The following PTPRD variants were observed in gnomAD, a reference collection of about 807,000 sequenced individuals.
The protein encoded by PTPRD is receptor-type tyrosine-protein phosphatase delta.
Under a neutral mutation model 214.5 loss-of-function variants are expected in PTPRD, and 34 were observed. The ratio of observed to expected loss-of-function variants is 0.16; its 90% CI spans 0.12 to 0.21. The LOEUF (loss-of-function observed/expected upper bound fraction) is 0.21. Ranked by LOEUF, PTPRD falls within the 10% of genes least tolerant of loss-of-function variation. The probability of loss-of-function intolerance (pLI) is 1.00; values close to 1 mark genes in which losing one functional copy is unlikely to be tolerated. For synonymous variants in PTPRD, 1,128 were observed against 845.7 expected (o/e 1.33, Z -5.79); for missense variants, 2,545 against 2,398.7 (o/e 1.06, Z -1.27).
intron 14 of PTPRD, among the ~76,000 whole-genome samples, chr9:8,533,758 C>T (rs554907952): frequency 9.3e-4 from 142 of 152,100 alleles, no homozygotes; most frequent in African/African-American, 3.0e-3. Context: ...TTACTTTCTT[C>T]GTAACCTTCC....
intron 2 of PTPRD, among the ~76,000 whole-genome samples, chr9:10,509,666 C>A (rs1000495537): frequency 1.3e-5 from 2 of 149,146 alleles, no homozygotes; most frequent in African/African-American, 5.0e-5. Context: ...CTTGCATTGT[C>A]TCTACTGCAC....
At chr9:9,695,441 C>T (rs373174795) in intron 7 of PTPRD, among the ~76,000 whole-genome samples, 1 of 152,140 alleles carries the variant, frequency 6.6e-6, no homozygotes, top group East Asian at 1.9e-4. Context: ...CTTAGCTGTG[C>T]CCATGGTGTC....
chr9:9,223,285 T>G (rs1357367988), intron 9 of PTPRD, among the ~76,000 whole-genome samples: 1 of 151,920 alleles, frequency 6.6e-6, no homozygotes, highest in Non-Finnish European at 1.5e-5. Flanking sequence ...ATGTCTAATC[T>G]CTCAGAAGTG....
At chr9:10,211,102 G>A (rs2154341583) in intron 3 of PTPRD, among the ~76,000 whole-genome samples, 1 of 151,902 alleles carries the variant, frequency 6.6e-6, no homozygotes, top group East Asian at 1.9e-4. Flanking sequence ...GGAAAAAGGG[G>A]GAGATTGGTA....
chr9:9,953,083 A>T (rs2093597549), intron 4 of PTPRD, among the ~76,000 whole-genome samples: 1 of 152,160 alleles, frequency 6.6e-6, no homozygotes, highest in South Asian at 2.1e-4. Context: ...AAAGGTGGTG[A>T]CCCACATCAT....
intron 11 of PTPRD, among the ~76,000 whole-genome samples, chr9:8,823,705 A>C (rs1391025203): frequency 3.3e-5 from 5 of 152,054 alleles, no homozygotes; most frequent in Non-Finnish European, 2.9e-5. Context: ...AAAGGAAAGG[A>C]AAGGCGGAAG....
chr9:10,055,641 A>T (rs2097620220), intron 3 of PTPRD, among the ~76,000 whole-genome samples: 1 of 152,068 alleles, frequency 6.6e-6, no homozygotes, highest in Non-Finnish European at 1.5e-5. Flanking sequence ...ACTGTCCAAC[A>T]TCATTAAACA....
At position 9,644,478 on chromosome 9, in the gene PTPRD, A is replaced by T. The variant is rs2096077046; in HGVS notation, c.-286-69697T>A. ...TGGTCTGAATAAAGATTTCCATGCCAGTTAAAAAATGATCCTCTATATCTC... is the reference window on the plus strand; with the variant it reads ...TGGTCTGAATAAAGATTTCCATGCCTGTTAAAAAATGATCCTCTATATCTC... On this transcript the variant is annotated intron_variant, in intron 7 of 45. Transcript: ENST00000381196. 2.0e-5 allele frequency among the ~76,000 whole-genome samples: 3 copies of T among 152,346 alleles called. No individual in the cohort carries two copies. The South Asian group carries it at 6.2e-4, about 32-fold the overall frequency.
intron 3 of PTPRD, among the ~76,000 whole-genome samples, chr9:10,256,565 G>C (rs189300082): frequency 1.0e-3 from 159 of 152,218 alleles, no homozygotes; most frequent in African/African-American, 3.6e-3. Context: ...CTGTAATTTT[G>C]TCAAGTGGTT....
intron 3 of PTPRD, among the ~76,000 whole-genome samples, chr9:10,087,137 GTTT>G (rs5896366): frequency 6.8e-6 from 1 of 146,580 alleles, no homozygotes. Flanking sequence ...ATGTTTTAGA[GTTT>G]TTTTTTTTTT....
At chr9:10,082,044 A>C (rs1174099530) in intron 3 of PTPRD, among the ~76,000 whole-genome samples, 2 of 152,068 alleles carry the variant, frequency 1.3e-5, no homozygotes, top group African/African-American at 4.8e-5. Context: ...TTAAAATATC[A>C]ACAATAAATC....
At chr9:8,763,827 C>A (rs2094549145) in intron 11 of PTPRD, among the ~76,000 whole-genome samples, 1 of 152,080 alleles carries the variant, frequency 6.6e-6, no homozygotes, top group South Asian at 2.1e-4. Flanking sequence ...ACAAAGACAG[C>A]TAGTCATACA....
intron 4 of PTPRD, among the ~76,000 whole-genome samples, chr9:10,025,528 C>G (rs2096907285): frequency 6.7e-6 from 1 of 148,338 alleles, no homozygotes; most frequent in East Asian, 1.9e-4. Flanking sequence ...ATTTTGCCAA[C>G]TTTCATCATA....
chr9:10,419,251 C>T (rs1317790424), intron 2 of PTPRD, among the ~76,000 whole-genome samples: 4 of 151,876 alleles, frequency 2.6e-5, no homozygotes, highest in African/African-American at 9.7e-5. Flanking sequence ...AAAAAGATGG[C>T]CATGTGTCTT....
intron 11 of PTPRD, among the ~76,000 whole-genome samples, chr9:8,737,754 G>A (rs144874989): frequency 7.6e-4 from 115 of 152,224 alleles, no homozygotes; most frequent in African/African-American, 2.7e-3. Flanking sequence ...CAGTTCAAGC[G>A]ATTCTCCTGC....
chr9:9,339,240 G>A (rs535623817), intron 9 of PTPRD, among the ~76,000 whole-genome samples: 33 of 152,032 alleles, frequency 2.2e-4, no homozygotes, highest in Non-Finnish European at 4.1e-4. Flanking sequence ...CACTTTGGGA[G>A]GCCGAGGCAG....
At chr9:8,420,942 G>A (rs968762173) in intron 35 of PTPRD, among the ~76,000 whole-genome samples, 1 of 151,918 alleles carries the variant, frequency 6.6e-6, no homozygotes, top group African/African-American at 2.4e-5. Flanking sequence ...TCACTGTCAG[G>A]GAGCTTGATG....
rs143270738 is a variant in PTPRD at position 9,337,728 on chromosome 9, C to T, written c.-203+59721G>A. On this transcript the variant is annotated intron_variant, in intron 9 of 45. Coordinates refer to ENST00000381196, the MANE Select transcript of PTPRD (RefSeq NM_002839.4). The stretch of plus-strand genomic sequence containing the variant: ...TGGGCAGCCAGTTGGCTTTCCTCAA[C>T]GGCAAAAGGCTTGCTGGACAATGAC... Among the ~76,000 whole-genome samples the T allele has an allele frequency of 5.0e-4, 76 of 152,220 alleles. No homozygotes were observed. The South Asian group carries it at 9.5e-3, about 19-fold the overall frequency.
At chr9:9,662,632 T>A (rs1398243196) in intron 7 of PTPRD, among the ~76,000 whole-genome samples, 2 of 151,638 alleles carry the variant, frequency 1.3e-5, no homozygotes, top group African/African-American at 4.8e-5. Flanking sequence ...TTCGATAGAT[T>A]CTATATGTAG....
Sources: gnomAD v4.1 joint callset for allele counts (sites outside exome capture counted in the v4.1 genomes callset) on GRCh38, gnomAD v4.1.1 for gene constraint, MANE v1.5 for transcripts, NCBI Gene and HGNC (gene_info 2026-07-23, HGNC 2026-07-21) for gene names.